XKR9: variants seen among roughly 807,000 people sequenced by gnomAD.
XKR9 encodes the protein XK related 9.
A neutral mutation model predicts 32.0 loss-of-function variants in XKR9; 32 were observed. The ratio of observed to expected loss-of-function variants is 1.00; its 90% CI spans 0.76 to 1.34. The LOEUF (loss-of-function observed/expected upper bound fraction) is 1.34, where lower values mean the gene tolerates loss of function less well. Among genes scored for constraint, XKR9 ranks in the 40% most tolerant of loss-of-function variants. The pLI is 0.00. For synonymous variants in XKR9, 168 were observed against 143.4 expected (o/e 1.17, Z -1.22); for missense variants, 546 against 429.7 (o/e 1.27, Z -2.39).
At chr8:70,982,167 G>A in the XKR9 span, among the ~76,000 whole-genome samples, 3 of 152,244 alleles carry the variant, frequency 2.0e-5, no homozygotes, top group Non-Finnish European at 4.4e-5. Flanking sequence ...CTGAGGTACT[G>A]TAGGGAAGAT....
At chr8:70,766,422 C>T (rs561235918) in intron 2 of XKR9, among the ~76,000 whole-genome samples, 3 of 151,830 alleles carry the variant, frequency 2.0e-5, no homozygotes, top group Admixed American at 6.6e-5. Flanking sequence ...TGTATAGGAG[C>T]GCTTGTAATT....
At chr8:70,671,075 G>A (rs2100908) in intron 1 of XKR9, among the ~76,000 whole-genome samples, 61,523 of 151,950 alleles carry the variant, frequency 0.4, 13,966 homozygotes, top group Non-Finnish European at 0.52. Flanking sequence ...GCTTTCACCC[G>A]GGCTGCAGTG....
the XKR9 span, among the ~76,000 whole-genome samples, chr8:70,883,242 A>T: frequency 6.6e-6 from 1 of 151,636 alleles, no homozygotes; most frequent in Non-Finnish European, 1.5e-5. Context: ...TTGGTTTTCC[A>T]TTTCAGAGTT....
intron 2 of XKR9, among the ~76,000 whole-genome samples, chr8:70,675,227 A>G (rs941706197): frequency 9.2e-5 from 14 of 152,260 alleles, no homozygotes; most frequent in African/African-American, 3.1e-4. Context: ...AGGATTCGAA[A>G]TCAGCCTGCC....
chr8:71,050,109 A>T, the XKR9 span, among the ~76,000 whole-genome samples: 4 of 151,984 alleles, frequency 2.6e-5, no homozygotes, highest in Non-Finnish European at 4.4e-5. Context: ...GACCTTGGGC[A>T]AATTATTTAA....
chr8:70,983,384 A>C, the XKR9 span, among the ~76,000 whole-genome samples: 1 of 151,940 alleles, frequency 6.6e-6, no homozygotes, highest in Non-Finnish European at 1.5e-5. Context: ...TGTTACCATA[A>C]TTTCTTATTA....
intron 3 of XKR9, among the ~76,000 whole-genome samples, chr8:70,696,459 T>C (rs1165839082): frequency 6.6e-6 from 1 of 151,406 alleles, no homozygotes; most frequent in East Asian, 1.9e-4. Context: ...CCATTGCTTG[T>C]TTTTGTCAGG....
At chr8:70,854,625 A>T in the XKR9 span, among the ~76,000 whole-genome samples, 1 of 152,156 alleles carries the variant, frequency 6.6e-6, no homozygotes, top group Admixed American at 6.6e-5. Flanking sequence ...GGTATTGCCC[A>T]GGTTTTCTTC....
At chr8:70,956,117 G>C in the XKR9 span, among the ~76,000 whole-genome samples, 1 of 152,190 alleles carries the variant, frequency 6.6e-6, no homozygotes, top group African/African-American at 2.4e-5. Context: ...GGGAGCAAGT[G>C]TCAGCCTTGT....
At chr8:70,968,800 A>G in the XKR9 span, among the ~76,000 whole-genome samples, 2 of 152,222 alleles carry the variant, frequency 1.3e-5, no homozygotes, top group Non-Finnish European at 1.5e-5. Flanking sequence ...CAACAAAGAT[A>G]GCAACCTGCT....
chr8:70,789,402 C>T (rs538202408), exon 3 of XKR9: 11 of 152,140 alleles, frequency 7.2e-5, no homozygotes, highest in African/African-American at 2.6e-4. Context: ...ACAAAGAGAA[C>T]TTTGATAACT....
At chr8:70,974,474 T>C in the XKR9 span, among the ~76,000 whole-genome samples, 3 of 152,174 alleles carry the variant, frequency 2.0e-5, no homozygotes, top group African/African-American at 7.2e-5. Context: ...TTCCCACCTA[T>C]GAGTGAGAAC....
At chr8:70,765,826 C>G (rs1183158887) in intron 2 of XKR9, among the ~76,000 whole-genome samples, 1 of 152,164 alleles carries the variant, frequency 6.6e-6, no homozygotes, top group Non-Finnish European at 1.5e-5. Flanking sequence ...CTGCATATGG[C>G]TAGCCAGTTT....
chr8:70,933,466 C>T, the XKR9 span, among the ~76,000 whole-genome samples: 1 of 150,318 alleles, frequency 6.7e-6, no homozygotes, highest in East Asian at 2.0e-4. Context: ...CCTGGCATAA[C>T]GTACATAGAA....
chr8:70,824,339 G>T, the XKR9 span, among the ~76,000 whole-genome samples: 2 of 152,088 alleles, frequency 1.3e-5, no homozygotes, highest in African/African-American at 4.8e-5. Context: ...GAATATTTCT[G>T]TAGTATAAGT....
the XKR9 span, among the ~76,000 whole-genome samples, chr8:70,938,517 GA>G: frequency 3.9e-5 from 6 of 151,960 alleles, no homozygotes; most frequent in Non-Finnish European, 5.9e-5. Context: ...CCAGCCCCAA[GA>G]AAATACTTTA....
At chr8:70,946,242 G>A in the XKR9 span, among the ~76,000 whole-genome samples, 1 of 152,138 alleles carries the variant, frequency 6.6e-6, no homozygotes, top group South Asian at 2.1e-4. Flanking sequence ...GCATGCAGCA[G>A]ACACTATAGA....
At chr8:70,726,653 A>T (rs543951861) in intron 4 of XKR9, among the ~76,000 whole-genome samples, 4 of 152,374 alleles carry the variant, frequency 2.6e-5, no homozygotes, top group African/African-American at 7.2e-5. Flanking sequence ...GGCTACCAAG[A>T]GGTGGAAGTG....
the XKR9 span, among the ~76,000 whole-genome samples, chr8:71,010,305 C>T: frequency 2.0e-3 from 310 of 152,286 alleles, 3 homozygotes; most frequent in African/African-American, 6.9e-3. Flanking sequence ...CACCTTTGGA[C>T]GATTAACATG....
Sources: gnomAD v4.1 joint callset for allele counts (sites outside exome capture counted in the v4.1 genomes callset) on GRCh38, gnomAD v4.1.1 for gene constraint, MANE v1.5 for transcripts, NCBI Gene and HGNC (gene_info 2026-07-23, HGNC 2026-07-21) for gene names.